The following PCDHGA2 variants were observed in gnomAD, a reference collection of about 807,000 sequenced individuals.
The protein encoded by PCDHGA2 is protocadherin gamma-A2.
PCDHGA2 carries 40 observed loss-of-function variants against 59.2 expected under a neutral mutation model. The observed-to-expected ratio is 0.68, with a 90% CI of 0.52 to 0.88. PCDHGA2 has a LOEUF of 0.88. Ranked by LOEUF, PCDHGA2 falls within the 40% of genes least tolerant of loss-of-function variation. The pLI, the probability that PCDHGA2 is intolerant of heterozygous loss-of-function variation, is 0.00. For synonymous variants in PCDHGA2, 560 were observed against 526.0 expected, an observed-to-expected ratio of 1.06 and a Z score of -0.89; for missense variants, 1,226 against 1,204.0, an observed-to-expected ratio of 1.02 and a Z score of -0.27.
chr5:141,422,909 C>T (rs1260941191), intron 1 of PCDHGA2: 1 of 1,614,252 alleles, frequency 6.2e-7, no homozygotes, highest in East Asian at 2.2e-5. Flanking sequence ...GACAATGCGC[C>T]CGAGATCCTG....
chr5:141,356,183 G>A lies in PCDHGA2; in HGVS notation c.2424+14788G>A, dbSNP rs368314579. 5.8e-5 allele frequency: 94 copies of A among 1,611,184 alleles called. No homozygotes were observed. Among genetic ancestry groups the A allele is most frequent in the Non-Finnish European group, 7.6e-5 (89 of 1,178,602 alleles). On this transcript the variant is annotated intron_variant, in intron 1 of 3. Transcript: ENST00000394576. The stretch of plus-strand genomic sequence containing the variant: ...GAAGCCCATGATGGGCCTGGTCTCC[G>A]AGCTAGAAGCAAGGTACTGGTGACA...
chr5:141,441,362 G>A (rs1489202253), intron 1 of PCDHGA2: 1 of 152,484 alleles, frequency 6.6e-6, no homozygotes, highest in Non-Finnish European at 1.5e-5. Context: ...AACAAATGGG[G>A]CCGTGGACCA....
Position 141,489,623 on chromosome 5 carries a change from A to T in PCDHGA2, c.2425-5184A>T, listed in dbSNP as rs924162827. On this transcript the variant is annotated intron_variant, in intron 1 of 3. Coordinates refer to ENST00000394576, the MANE Select transcript of PCDHGA2 (RefSeq NM_018915.4). This position sits in a 1 kb window ranked among gnomAD's most constrained non-coding sequence, Gnocchi z 4.5. ...GAGGTAGAGATCCTGGATCTCAATG[A>T]CAACTCTCCTAGCTTTGCCACCCCT... is the stretch of plus-strand genomic sequence containing the variant. The T allele has an allele frequency of 6.2e-7, 1 of 1,614,102 alleles. No homozygotes were observed. Among genetic ancestry groups the T allele is most frequent in the Non-Finnish European group, 8.5e-7 (1 of 1,179,996 alleles).
chr5:141,344,023 C>A (rs1252667624), intron 1 of PCDHGA2: 1 of 1,524,482 alleles, frequency 6.6e-7, no homozygotes. Flanking sequence ...AAGCGATTCA[C>A]CGAAAAGGAA....
intron 1 of PCDHGA2, among the ~76,000 whole-genome samples, chr5:141,470,212 C>A (rs756256854): frequency 2.0e-5 from 3 of 152,116 alleles, no homozygotes; most frequent in Non-Finnish European, 4.4e-5. Context: ...AAGGCTAAAC[C>A]ATTCAGCTTC....
chr5:141,353,584 A>G (rs1349992377), intron 1 of PCDHGA2, among the ~76,000 whole-genome samples: 1 of 152,198 alleles, frequency 6.6e-6, no homozygotes, highest in Non-Finnish European at 1.5e-5. Flanking sequence ...AGTCAATGAT[A>G]TTTCATAATT....
chr5:141,470,718 G>A (rs916720866), intron 1 of PCDHGA2, among the ~76,000 whole-genome samples: 2 of 152,022 alleles, frequency 1.3e-5, no homozygotes, highest in Non-Finnish European at 2.9e-5. Flanking sequence ...ATTTTTTTGA[G>A]TCAGGGTCTT....
At position 141,487,362 on chromosome 5, in the gene PCDHGA2, C is replaced by T; in HGVS notation, c.2425-7445C>T. On this transcript the variant is annotated intron_variant, in intron 1 of 3. Transcript: ENST00000394576. The surrounding 1 kb of genome is among the most constrained non-coding windows in gnomAD (Gnocchi z 5.0). The stretch of plus-strand genomic sequence containing the variant: ...GGAGTCACATGCTTTCCTGCTGGCA[C>T]CTGTGCCTGTCTCACCAGATCTCGA... 3 of 1,614,200 alleles carry T rather than the reference C, an allele frequency of 1.9e-6. No homozygotes were observed. Among genetic ancestry groups the T allele is most frequent in the Non-Finnish European group, 2.5e-6 (3 of 1,180,044 alleles).
intron 1 of PCDHGA2, chr5:141,390,163 C>CG (rs780815400): frequency 1.2e-6 from 2 of 1,613,992 alleles, no homozygotes; most frequent in Admixed American, 1.7e-5. Context: ...ACAGGAAAGA[C>CG]GGAGTTTAAT....
At chr5:141,372,433 C>T in intron 1 of PCDHGA2, 1 of 1,614,060 alleles carries the variant, frequency 6.2e-7, no homozygotes, top group Non-Finnish European at 8.5e-7. Flanking sequence ...GACCGCCCCA[C>T]TCCCTCTGAC....
Position 141,432,454 on chromosome 5 carries a change from C to T in PCDHGA2, c.2425-62353C>T, listed in dbSNP as rs751733947. On this transcript the variant is annotated intron_variant, in intron 1 of 3. Coordinates refer to ENST00000394576, the MANE Select transcript of PCDHGA2 (RefSeq NM_018915.4). The surrounding 1 kb of genome is among the most constrained non-coding windows in gnomAD (Gnocchi z 6.0). ...ACAATGCGCCCGAGATCCTGTACCC[C>T]GCCCTCCCCACGGACGGTTCCACTG... 134 of 1,614,108 alleles carry T rather than the reference C, an allele frequency of 8.3e-5. No homozygotes were observed. The highest frequency in any genetic ancestry group is 1.1e-4 in the Non-Finnish European group (133 of 1,180,058).
intron 1 of PCDHGA2, among the ~76,000 whole-genome samples, chr5:141,480,290 C>T (rs1053173416): frequency 2.2e-5 from 3 of 134,088 alleles, no homozygotes; most frequent in Non-Finnish European, 4.7e-5. Flanking sequence ...TGGCATGCAC[C>T]TGTGGTACCA....
intron 1 of PCDHGA2, among the ~76,000 whole-genome samples, chr5:141,461,805 C>T (rs773854105): frequency 4.6e-5 from 7 of 151,854 alleles, no homozygotes; most frequent in Non-Finnish European, 8.8e-5. Flanking sequence ...AGGTGCCCAC[C>T]ACCACACCCA....
intron 1 of PCDHGA2, chr5:141,370,971 G>C: frequency 1.2e-6 from 2 of 1,614,016 alleles, no homozygotes; most frequent in Non-Finnish European, 1.7e-6. Flanking sequence ...TAGGTACCCA[G>C]AGCTAGTACT....
At position 141,344,642 on chromosome 5, in the gene PCDHGA2, G is replaced by GA. The variant is rs766211480; in HGVS notation, c.2424+3253dup. On this transcript the variant is annotated intron_variant, in intron 1 of 3. Transcript: ENST00000394576. ...TGCTGGAGCGGGCCCTGGACCGTGA[G>GA]AAAAAAGAAATTCACCAGCTTGTCC... 2.5e-6 allele frequency: 4 copies of GA among 1,613,938 alleles called. No homozygotes were observed. In the Admixed American group the frequency reaches 5.0e-5, roughly 20 times the overall value.
intron 1 of PCDHGA2, chr5:141,409,940 C>G: frequency 6.2e-7 from 1 of 1,613,236 alleles, no homozygotes. Flanking sequence ...TATGGTACCT[C>G]GCTCTGCAGA....
chr5:141,348,442 GA>G (rs201369878), intron 1 of PCDHGA2, among the ~76,000 whole-genome samples: 4 of 150,534 alleles, frequency 2.7e-5, no homozygotes, highest in East Asian at 1.9e-4. Context: ...ATCATTTTTA[GA>G]AAAAAAAATG....
chr5:141,427,138 A>G (rs1397576025), intron 1 of PCDHGA2: 1 of 456,954 alleles, frequency 2.2e-6, no homozygotes, highest in Non-Finnish European at 4.4e-6. Context: ...CTACGAGATG[A>G]TATTGGAAAT....
intron 1 of PCDHGA2, chr5:141,403,432 G>A: frequency 1.2e-6 from 2 of 1,614,018 alleles, no homozygotes; most frequent in Non-Finnish European, 1.7e-6. Flanking sequence ...CTATTGATCC[G>A]GATGTTGGCG....
Sources: allele counts gnomAD v4.1 joint callset (sites outside exome capture counted in the v4.1 genomes callset), GRCh38; gene constraint gnomAD v4.1.1; non-coding constraint Gnocchi (gnomAD v3.1); transcripts MANE v1.5; gene names NCBI Gene and HGNC (gene_info 2026-07-23, HGNC 2026-07-21).